GRID2: variants seen among roughly 807,000 people sequenced by gnomAD.
The protein encoded by GRID2 is glutamate ionotropic receptor delta type subunit 2.
In GRID2, 33 loss-of-function variants were observed where a neutral mutation model predicts 114.8. That is an observed-to-expected ratio of 0.29 (90% CI 0.22 to 0.38). The LOEUF is 0.38. Ranked by LOEUF, GRID2 falls within the 10% of genes least tolerant of loss-of-function variation. The pLI, the probability that GRID2 is intolerant of heterozygous loss-of-function variation, is 1.00. For missense variants in GRID2, 1,184 were observed against 1,257.7 expected (o/e 0.94, Z 0.89); for synonymous variants, 505 against 449.9 (o/e 1.12, Z -1.55).
intron 13 of GRID2, among the ~76,000 whole-genome samples, chr4:93,582,836 T>C (rs1737116346): frequency 6.6e-6 from 1 of 152,162 alleles, no homozygotes; most frequent in African/African-American, 2.4e-5. Context: ...ATAGAAACGA[T>C]TTTGTATGAC....
intron 1 of GRID2, among the ~76,000 whole-genome samples, chr4:92,541,326 AAAG>A (rs1368653122): frequency 1.3e-4 from 20 of 152,082 alleles, no homozygotes; most frequent in African/African-American, 4.1e-4. Context: ...AGGAAAAAAA[AAAG>A]AAATCAAAAT....
intron 2 of GRID2, among the ~76,000 whole-genome samples, chr4:92,728,241 C>T (rs1165482208): frequency 6.6e-6 from 1 of 152,088 alleles, no homozygotes; most frequent in African/African-American, 2.4e-5. Flanking sequence ...TTTTACTCTT[C>T]TGTTGCTAGT....
chr4:93,398,121 G>A (rs991675381), intron 9 of GRID2, among the ~76,000 whole-genome samples: 8 of 114,816 alleles, frequency 7.0e-5, no homozygotes, highest in African/African-American at 3.7e-4. Flanking sequence ...ATACATACAT[G>A]TATGTGTGTG....
chr4:93,097,955 C>T (rs990895215), intron 3 of GRID2, among the ~76,000 whole-genome samples: 21 of 151,866 alleles, frequency 1.4e-4, no homozygotes, highest in Non-Finnish European at 2.5e-4. Flanking sequence ...ACTGCATAAG[C>T]ACCACAAGCA....
intron 8 of GRID2, among the ~76,000 whole-genome samples, chr4:93,366,857 T>C (rs1762387782): frequency 6.6e-6 from 1 of 152,040 alleles, no homozygotes; most frequent in African/African-American, 2.4e-5. Context: ...AAATATATTA[T>C]ATAGGGAGAC....
intron 2 of GRID2, among the ~76,000 whole-genome samples, chr4:93,037,366 A>C (rs899082500): frequency 6.6e-6 from 1 of 152,182 alleles, no homozygotes; most frequent in African/African-American, 2.4e-5. Context: ...TAGAGTGCTA[A>C]AATTTTATCC....
intron 8 of GRID2, among the ~76,000 whole-genome samples, chr4:93,361,745 C>A (rs1170410613): frequency 6.6e-6 from 1 of 151,996 alleles, no homozygotes; most frequent in Admixed American, 6.6e-5. Flanking sequence ...GAATGAAAGA[C>A]AGACACTATG....
chr4:93,030,282 T>A (rs1724278702), intron 2 of GRID2, among the ~76,000 whole-genome samples: 1 of 152,166 alleles, frequency 6.6e-6, no homozygotes, highest in African/African-American at 2.4e-5. Flanking sequence ...CCTTTCTGTC[T>A]TCCTAAAAGT....
intron 3 of GRID2, among the ~76,000 whole-genome samples, chr4:93,097,990 TA>T (rs1731369594): frequency 6.6e-6 from 1 of 152,072 alleles, no homozygotes; most frequent in African/African-American, 2.4e-5. Context: ...AATTTGATGT[TA>T]ATTTCAGATA....
intron 2 of GRID2, among the ~76,000 whole-genome samples, chr4:93,045,338 C>T (rs1310718097): frequency 1.3e-5 from 2 of 152,038 alleles, no homozygotes; most frequent in Non-Finnish European, 1.5e-5. Flanking sequence ...TGCATCTGCT[C>T]ATGTGGTATC....
At chr4:93,043,742 A>G (rs1725842232) in intron 2 of GRID2, among the ~76,000 whole-genome samples, 1 of 151,832 alleles carries the variant, frequency 6.6e-6, no homozygotes, top group Non-Finnish European at 1.5e-5. Flanking sequence ...GAAGGGGAAC[A>G]TCAAACACCG....
intron 1 of GRID2, among the ~76,000 whole-genome samples, chr4:92,462,586 A>T (rs1721552147): frequency 6.6e-6 from 1 of 152,014 alleles, no homozygotes; most frequent in African/African-American, 2.4e-5. Flanking sequence ...AGAATTGATT[A>T]AGGATAAAAA....
At chr4:92,744,501 A>C (rs920029534) in intron 2 of GRID2, among the ~76,000 whole-genome samples, 1 of 151,870 alleles carries the variant, frequency 6.6e-6, no homozygotes, top group Non-Finnish European at 1.5e-5. Context: ...AAAAAAAAAA[A>C]AAAAATTTTT....
chr4:92,624,581 A>C (rs147410556), intron 2 of GRID2, among the ~76,000 whole-genome samples: 1 of 151,970 alleles, frequency 6.6e-6, no homozygotes, highest in Non-Finnish European at 1.5e-5. Flanking sequence ...TAGATTTGCT[A>C]TCAGGAAGTC....
At chr4:92,841,749 C>G (rs1182887327) in intron 2 of GRID2, among the ~76,000 whole-genome samples, 1 of 151,992 alleles carries the variant, frequency 6.6e-6, no homozygotes, top group Non-Finnish European at 1.5e-5. Context: ...TTATCACTAA[C>G]AATATGGTAT....
chr4:92,993,866 G>T (rs577893373), intron 2 of GRID2, among the ~76,000 whole-genome samples: 3 of 152,260 alleles, frequency 2.0e-5, no homozygotes, highest in African/African-American at 7.2e-5. Flanking sequence ...ATTTAAATAT[G>T]ATATAAGTCA....
In GRID2 at chr4:93,216,836, G is replaced by C. The variant is rs1382119455; in HGVS notation, c.888G>C (p.Gln296His). 1.2e-6 allele frequency: 2 copies of C among 1,613,156 alleles called. No individual in the cohort carries two copies. Among genetic ancestry groups the C allele is most frequent in the African/African-American group, 1.3e-5 (1 of 74,994 alleles). ...QTFPVPQNIS[Q>H]RCFRGNHRIS... ...TTCCAGTTCCCCAGAACATAAGTCA[G>C]CGGTGTTTCCGTGGCAACCATCGAA... Residue 296 changes from glutamine to histidine, a missense_variant, in exon 6 of 16, where the codon CAG becomes CAC. By Grantham distance (24) the Gln-to-His change is conservative. This residue lies in a region of GRID2 where 455 missense variants were observed against 429.5 expected (regional missense o/e 1.06). Coordinates refer to ENST00000282020, the MANE Select transcript of GRID2 (RefSeq NM_001510.4).
At chr4:93,239,065 T>C (rs1416968579) in intron 8 of GRID2, among the ~76,000 whole-genome samples, 1 of 150,032 alleles carries the variant, frequency 6.7e-6, no homozygotes, top group Non-Finnish European at 1.5e-5. Flanking sequence ...CAAGGAGAAA[T>C]ACAAACGCCC....
intron 8 of GRID2, among the ~76,000 whole-genome samples, chr4:93,279,116 T>G (rs1335848347): frequency 6.6e-6 from 1 of 151,882 alleles, no homozygotes; most frequent in Non-Finnish European, 1.5e-5. Flanking sequence ...AGTACTGCAC[T>G]TTAGTTACAT....
Sources: allele counts gnomAD v4.1 joint callset (sites outside exome capture counted in the v4.1 genomes callset), GRCh38; gene constraint gnomAD v4.1.1; regional missense constraint gnomAD v4.1.1; transcripts MANE v1.5; gene names NCBI Gene and HGNC (gene_info 2026-07-23, HGNC 2026-07-21).